UBR4: variants seen among roughly 807,000 people sequenced by gnomAD.
UBR4 encodes ubiquitin protein ligase E3 component n-recognin 4, also known as E3 ubiquitin-protein ligase UBR4.
UBR4 carries 124 observed loss-of-function variants against 575.6 expected under a neutral mutation model. The ratio of observed to expected loss-of-function variants is 0.22; its 90% confidence interval spans 0.19 to 0.25. UBR4 has a LOEUF of 0.25. Among genes scored for constraint, UBR4 ranks in the 10% least tolerant of loss-of-function variants. The pLI is 1.00. For missense variants in UBR4, 4,818 were observed against 6,478.8 expected (o/e 0.74, Z 8.80); for synonymous variants, 2,455 against 2,473.7 (o/e 0.99, Z 0.22).
intron 77 of UBR4, chr1:19,113,136 A>G: frequency 2.4e-6 from 1 of 423,704 alleles, no homozygotes; most frequent in Non-Finnish European, 4.2e-6. Context: ...TAACAAAGAC[A>G]AAGGTCAGAA....
At position 19,191,962 on chromosome 1, in the gene UBR4, C is replaced by G. The variant is rs527277323; in HGVS notation, c.1394+226G>C. 1.2e-4 allele frequency among the ~76,000 whole-genome samples: 19 copies of G among 152,168 alleles called. No individual in the cohort carries two copies. In the South Asian group the frequency reaches 3.7e-3, roughly 30 times the overall value. ...ATACACATTGCACAGATATTTTTCC[C>G]CTTTGACAGATGAGGAAATAGAATC... On this transcript the variant is annotated intron_variant, in intron 11 of 105. Transcript: ENST00000375254.
intron 66 of UBR4, 77 bp downstream of exon 66, chr1:19,122,756 C>T (rs1194590259): frequency 4.7e-6 from 7 of 1,498,558 alleles, no homozygotes; most frequent in Admixed American, 3.4e-5. Flanking sequence ...TGCATTATTA[C>T]CTCCAGCCCT....
intron 29 of UBR4, 151 bp from the exon 30 acceptor site, chr1:19,165,908 C>G: frequency 3.2e-6 from 2 of 619,160 alleles, no homozygotes. Flanking sequence ...AAGCCTGGCA[C>G]AAAGTAGGTG....
Position 19,105,104 on chromosome 1 carries a change from T to C in UBR4, c.12589A>G (p.Lys4197Glu), listed in dbSNP as rs1557596330. Residue 4197 changes from lysine to glutamate, a missense_variant, in exon 85 of 106, where the codon AAA becomes GAA. Transcript: ENST00000375254. The stretch of plus-strand genomic sequence containing the variant: ...ACTCCCCGAGCTGCCAAGTAGACTT[T>C]CCAGTGCGCAGAAGTGATGAGCTTC... ...YQKLITSAHW[K>E]VYLAARGVLP... The C allele has an allele frequency of 1.2e-6, 2 of 1,614,084 alleles. No individual in the cohort carries two copies. Among genetic ancestry groups the C allele is most frequent in the Non-Finnish European group, 1.7e-6 (2 of 1,179,996 alleles).
At chr1:19,164,595 G>T (rs2150645706) in intron 32 of UBR4, among the ~76,000 whole-genome samples, 154 bp from the exon 33 acceptor site, 1 of 152,266 alleles carries the variant, frequency 6.6e-6, no homozygotes, top group South Asian at 2.1e-4. Context: ...ATTCATTCAG[G>T]TTGTAACTGA....
At chr1:19,200,084 C>T (rs1311515995) in intron 2 of UBR4, among the ~76,000 whole-genome samples, 3 of 152,180 alleles carry the variant, frequency 2.0e-5, no homozygotes, top group African/African-American at 7.2e-5. Context: ...AACAGCTGAG[C>T]TAACTAAATG....
chr1:19,111,573 TCCCAAAGTGCTGGGATTAC>T (rs1315897623), intron 78 of UBR4: 1 of 151,928 alleles, frequency 6.6e-6, no homozygotes, highest in African/African-American at 2.4e-5. Context: ...TGCCTTGACC[TCCCAAAGTGCTGGGATTAC>T]AGGTGTGAGC....
intron 21 of UBR4, 146 bp from the exon 22 acceptor site, chr1:19,174,593 T>C (rs2090016649): frequency 1.6e-6 from 2 of 1,240,810 alleles, no homozygotes; most frequent in Admixed American, 2.7e-5. Flanking sequence ...ATTCCCATTC[T>C]GGGACATTAC....
intron 97 of UBR4, among the ~76,000 whole-genome samples, chr1:19,091,143 C>T (rs986807252): frequency 1.3e-5 from 2 of 151,890 alleles, no homozygotes; most frequent in Non-Finnish European, 2.9e-5. Flanking sequence ...ACTTTGAGTT[C>T]CAAACTCATT....
intron 103 of UBR4, chr1:19,080,811 A>G (rs1261075332): frequency 6.5e-6 from 1 of 153,178 alleles, no homozygotes; most frequent in Non-Finnish European, 1.5e-5. Flanking sequence ...AAGGTCATAA[A>G]TCAAAGACCA....
chr1:19,100,262 T>A lies in UBR4; in HGVS notation c.13221+114A>T. 8.5e-7 allele frequency: 1 copy of A among 1,172,922 alleles called. No individual in the cohort carries two copies. The highest frequency in any genetic ancestry group is 1.2e-6 in the Non-Finnish European group (1 of 806,894). The allele number at this position is 1,172,922 out of a possible 1,614,324, so 72.7% of individuals were successfully genotyped here. On this transcript the variant is annotated intron_variant, in intron 89 of 105. Coordinates refer to ENST00000375254, the MANE Select transcript of UBR4 (RefSeq NM_020765.3). The surrounding 1 kb of genome is among the most constrained non-coding windows in gnomAD (Gnocchi z 4.2). Reference sequence around the variant, plus strand: ...ACCCCAACTTACAGAGTGGAGAAACTGAAGGCCACCTGCCCCAAGTTAATC... The same window carrying A: ...ACCCCAACTTACAGAGTGGAGAAACAGAAGGCCACCTGCCCCAAGTTAATC...
intron 94 of UBR4, 148 bp from the exon 95 acceptor site, chr1:19,094,287 C>T: frequency 1.7e-6 from 1 of 600,404 alleles, no homozygotes; most frequent in South Asian, 2.4e-5. Context: ...TGGGGAATAA[C>T]AAACAGTCGG....
intron 94 of UBR4, 30 bp from the exon 95 acceptor site, chr1:19,094,169 T>C (rs1234036625): frequency 6.3e-6 from 10 of 1,585,428 alleles, no homozygotes; most frequent in Non-Finnish European, 8.6e-6. Flanking sequence ...GAACATGCCA[T>C]TAATGCAGTC....
intron 29 of UBR4, among the ~76,000 whole-genome samples, chr1:19,166,162 A>T (rs1454383846): frequency 6.6e-6 from 1 of 152,244 alleles, no homozygotes; most frequent in African/African-American, 2.4e-5. Context: ...AACCTGGACT[A>T]CTCAACAACG....
At chr1:19,179,806 A>G (rs900537142) in intron 17 of UBR4, among the ~76,000 whole-genome samples, 2 of 151,500 alleles carry the variant, frequency 1.3e-5, no homozygotes, top group Non-Finnish European at 3.0e-5. Flanking sequence ...CTTCTCAAAC[A>G]CACACACACA....
At position 19,086,252 on chromosome 1, in the gene UBR4, T is replaced by C. The variant is rs376599368; in HGVS notation, c.14706A>G (p.Glu4902=). 2.7e-5 allele frequency: 42 copies of C among 1,581,722 alleles called. No individual in the cohort carries two copies. Among genetic ancestry groups the C allele is most frequent in the Non-Finnish European group, 3.6e-5 (42 of 1,161,772 alleles). Reference sequence around the variant, plus strand: ...TCTGCAGGGCGGCACTCTCCCACTCTTCCCGGCCTCGAGCCAACCTGGATA... The same window carrying C: ...TCTGCAGGGCGGCACTCTCCCACTCCTCCCGGCCTCGAGCCAACCTGGATA... ...LAAVRLARGR[E]EWESAALQNA... Residue 4902 remains glutamate (E), a synonymous_variant, in exon 101 of 106, where the codon GAA becomes GAG. Transcript: ENST00000375254.
chr1:19,193,282 T>C (rs1002621761), intron 9 of UBR4, 151 bp downstream of exon 9: 13 of 1,015,658 alleles, frequency 1.3e-5, no homozygotes, highest in Non-Finnish European at 1.9e-5. Context: ...ATCAACAAGC[T>C]GGATGCCTAC....
chr1:19,181,888 A>G (rs2091002614), intron 17 of UBR4, among the ~76,000 whole-genome samples: 1 of 152,146 alleles, frequency 6.6e-6, no homozygotes, highest in Non-Finnish European at 1.5e-5. Flanking sequence ...TGCAACCCTT[A>G]CTACCATCCA....
At chr1:19,131,344 T>C (rs960493069) in intron 60 of UBR4, among the ~76,000 whole-genome samples, 4 of 151,428 alleles carry the variant, frequency 2.6e-5, no homozygotes, top group Non-Finnish European at 5.9e-5. Flanking sequence ...TTTAAAATAA[T>C]TCATGTTTCA....
Sources: gnomAD v4.1 joint callset for allele counts (sites outside exome capture counted in the v4.1 genomes callset) on GRCh38, gnomAD v4.1.1 for gene constraint, Gnocchi (gnomAD v3.1) non-coding constraint, MANE v1.5 for transcripts, NCBI Gene and HGNC (gene_info 2026-07-23, HGNC 2026-07-21) for gene names.